Variants in DACH1 observed in about 807,000 individuals in gnomAD.
The protein encoded by DACH1 is dachshund homolog 1.
A neutral mutation model predicts 54.2 loss-of-function variants in DACH1; 12 were observed. The observed-to-expected ratio is 0.22, with a 90% CI of 0.14 to 0.36. The LOEUF (loss-of-function observed/expected upper bound fraction) is 0.36, where lower values mean the gene tolerates loss of function less well. DACH1 is among the 10% of genes least tolerant of loss of function. The probability of loss-of-function intolerance (pLI) is 1.00; values close to 1 mark genes in which losing one functional copy is unlikely to be tolerated. For missense variants in DACH1, 805 were observed against 929.8 expected, an observed-to-expected ratio of 0.87 and a Z score of 1.75; for synonymous variants, 386 against 366.2, an observed-to-expected ratio of 1.05 and a Z score of -0.62.
At chr13:71,663,376 A>C (rs879772790) in intron 2 of DACH1, among the ~76,000 whole-genome samples, 2 of 152,058 alleles carry the variant, frequency 1.3e-5, no homozygotes, top group African/African-American at 2.4e-5. Context: ...ATAAGAGAAA[A>C]AAATGCAAAG....
At chr13:71,466,688 T>A (rs1307988483) in intron 10 of DACH1, among the ~76,000 whole-genome samples, 1 of 151,788 alleles carries the variant, frequency 6.6e-6, no homozygotes, top group Non-Finnish European at 1.5e-5. Flanking sequence ...ACAAAAAATA[T>A]GAAAATTAGC....
chr13:71,458,254 A>G (rs1875759613), intron 10 of DACH1, among the ~76,000 whole-genome samples: 1 of 151,914 alleles, frequency 6.6e-6, no homozygotes, highest in Admixed American at 6.6e-5. Flanking sequence ...GAATCTGTCC[A>G]ATTCCATACT....
chr13:71,757,084 A>G (rs1012336314), intron 1 of DACH1, among the ~76,000 whole-genome samples: 1 of 152,226 alleles, frequency 6.6e-6, no homozygotes, highest in Non-Finnish European at 1.5e-5. Flanking sequence ...CACACGTTTG[A>G]AGATTTTTGA....
intron 1 of DACH1, among the ~76,000 whole-genome samples, chr13:71,733,201 A>G (rs988072807): frequency 4.6e-5 from 7 of 152,188 alleles, no homozygotes; most frequent in African/African-American, 1.7e-4. Flanking sequence ...TCATTCTGAC[A>G]CCAAGATTAT....
intron 3 of DACH1, among the ~76,000 whole-genome samples, chr13:71,581,355 C>T (rs1259430557): frequency 6.6e-6 from 1 of 152,162 alleles, no homozygotes; most frequent in African/African-American, 2.4e-5. Flanking sequence ...ACCTCTGCCT[C>T]CTGGGTTCAA....
intron 6 of DACH1, among the ~76,000 whole-genome samples, chr13:71,509,061 GT>G (rs1880557741): frequency 1.3e-5 from 2 of 152,082 alleles, no homozygotes; most frequent in Admixed American, 1.3e-4. Context: ...GTGTATAAAT[GT>G]ACTATTAGTA....
chr13:71,463,620 T>G lies in DACH1; in HGVS notation c.2083+11521A>C, dbSNP rs143840782. Among the ~76,000 whole-genome samples, 711 of 152,108 alleles carry G rather than the reference T, an allele frequency of 4.7e-3. 6 individuals are homozygous for G. The highest frequency in any genetic ancestry group is 8.0e-3 in the Non-Finnish European group (545 of 67,898). On this transcript the variant is annotated intron_variant, in intron 10 of 10. Transcript: ENST00000613252. Reference sequence around the variant, plus strand: ...TTTGAGTCCAAGTGACTTACATCTATGTACCTCAGTTTCGTCAAATATAAA... The same window carrying G: ...TTTGAGTCCAAGTGACTTACATCTAGGTACCTCAGTTTCGTCAAATATAAA...
chr13:71,491,442 C>T (rs879411163), intron 6 of DACH1, among the ~76,000 whole-genome samples: 3 of 152,082 alleles, frequency 2.0e-5, no homozygotes. Flanking sequence ...TAATGGAACG[C>T]TCATTTTGGG....
At chr13:71,649,537 A>G (rs1397338171) in intron 2 of DACH1, among the ~76,000 whole-genome samples, 1 of 152,214 alleles carries the variant, frequency 6.6e-6, no homozygotes, top group East Asian at 1.9e-4. Context: ...AAGGTAGAAC[A>G]TAAGCAATCC....
intron 4 of DACH1, 100 bp downstream of exon 4, chr13:71,572,740 C>G: frequency 7.7e-7 from 1 of 1,294,222 alleles, no homozygotes. Flanking sequence ...TATCACTTAG[C>G]TTTTTAGAGT....
intron 6 of DACH1, among the ~76,000 whole-genome samples, chr13:71,505,780 A>C: frequency 6.6e-6 from 1 of 152,216 alleles, no homozygotes; most frequent in East Asian, 1.9e-4. Flanking sequence ...GTAGAAACTG[A>C]AAGTTTTACT....
At chr13:71,813,813 A>AG (rs1219979547) in intron 1 of DACH1, among the ~76,000 whole-genome samples, 9 of 152,144 alleles carry the variant, frequency 5.9e-5, no homozygotes, top group Non-Finnish European at 1.3e-4. Flanking sequence ...TTTTAGAGTT[A>AG]GAAAAAAAAT....
chr13:71,726,455 C>G (rs560416754), intron 1 of DACH1, among the ~76,000 whole-genome samples: 6 of 152,042 alleles, frequency 3.9e-5, no homozygotes, highest in Non-Finnish European at 8.8e-5. Context: ...ATCACATGTG[C>G]ATTTTCATCC....
chr13:71,836,265 A>T (rs939253999), intron 1 of DACH1, among the ~76,000 whole-genome samples: 3 of 152,098 alleles, frequency 2.0e-5, no homozygotes. Context: ...TTTTCCAAAA[A>T]AAAAGACTAA....
At chr13:71,596,284 C>T (rs965416427) in intron 3 of DACH1, among the ~76,000 whole-genome samples, 68 of 152,094 alleles carry the variant, frequency 4.5e-4, no homozygotes, top group Admixed American at 4.5e-3. Flanking sequence ...ATTCATTTAA[C>T]TCATTTACTG....
intron 2 of DACH1, among the ~76,000 whole-genome samples, chr13:71,632,131 AGAC>A (rs1877151242): frequency 6.6e-6 from 1 of 152,002 alleles, no homozygotes; most frequent in African/African-American, 2.4e-5. Flanking sequence ...GAAAAGAAAA[AGAC>A]AAAAAAAAAG....
intron 4 of DACH1, among the ~76,000 whole-genome samples, chr13:71,563,591 T>C (rs1213175658): frequency 6.6e-6 from 1 of 152,032 alleles, no homozygotes; most frequent in East Asian, 1.9e-4. Flanking sequence ...GATCATCCCT[T>C]TAATTCATGA....
intron 4 of DACH1, among the ~76,000 whole-genome samples, chr13:71,562,140 T>C (rs1884623189): frequency 6.6e-6 from 1 of 152,168 alleles, no homozygotes; most frequent in South Asian, 2.1e-4. Context: ...GATAGGCTTC[T>C]GTAAAAGACA....
At chr13:71,575,337 A>T (rs1193810007) in intron 3 of DACH1, among the ~76,000 whole-genome samples, 1 of 152,018 alleles carries the variant, frequency 6.6e-6, no homozygotes, top group African/African-American at 2.4e-5. Context: ...ATATTTGAAG[A>T]TAATTAACTA....
Sources: gnomAD v4.1 joint callset for allele counts (sites outside exome capture counted in the v4.1 genomes callset) on GRCh38, gnomAD v4.1.1 for gene constraint, MANE v1.5 for transcripts, NCBI Gene and HGNC (gene_info 2026-07-23, HGNC 2026-07-21) for gene names.